The following PRPSAP2 variants were observed in gnomAD, a reference collection of about 807,000 sequenced individuals.
PRPSAP2 encodes the protein phosphoribosyl pyrophosphate synthetase associated protein 2.
A neutral mutation model predicts 40.6 loss-of-function variants in PRPSAP2; 24 were observed. That is an observed-to-expected ratio of 0.59 (90% CI 0.43 to 0.83). PRPSAP2 has a LOEUF of 0.83. Among genes scored for constraint, PRPSAP2 ranks in the 40% least tolerant of loss-of-function variants. PRPSAP2 has a pLI of 0.00. For synonymous variants in PRPSAP2, 149 were observed against 164.7 expected (o/e 0.90, Z 0.73); for missense variants, 292 against 465.6 (o/e 0.63, Z 3.43).
chr17:18,886,388 C>G (rs1489256434), intron 7 of PRPSAP2, among the ~76,000 whole-genome samples: 1 of 151,292 alleles, frequency 6.6e-6, no homozygotes, highest in Non-Finnish European at 1.5e-5. Context: ...CGGAGTCTCA[C>G]TCTGTCGCCC....
rs190314378 is a variant in PRPSAP2 at position 18,892,790 on chromosome 17, A to C, written c.584+2913A>C. Among the ~76,000 whole-genome samples, 978 of 149,240 alleles carry C rather than the reference A, an allele frequency of 6.6e-3. 5 individuals carry two copies. Among genetic ancestry groups the C allele is most frequent in the Middle Eastern group, 0.024 (7 of 290 alleles). On this transcript the variant is annotated intron_variant, in intron 8 of 11. Coordinates refer to ENST00000268835, the MANE Select transcript of PRPSAP2 (RefSeq NM_002767.4). ...CGCTCTGTCACCCAGGCTGGAGTGC[A>C]GTGGCGCGATCTCGGCTCACTGCAA...
chr17:18,876,626 A>G (rs2038318410), intron 5 of PRPSAP2, among the ~76,000 whole-genome samples: 1 of 152,260 alleles, frequency 6.6e-6, no homozygotes, highest in Admixed American at 6.5e-5. Flanking sequence ...AGGAAGACAT[A>G]AAGTGAGCAT....
At chr17:18,897,089 G>T (rs944196740) in intron 8 of PRPSAP2, among the ~76,000 whole-genome samples, 1 of 152,002 alleles carries the variant, frequency 6.6e-6, no homozygotes, top group African/African-American at 2.4e-5. Context: ...CCAAGTAGCT[G>T]AGACCACAGG....
chr17:18,917,721 G>A (rs571172438), intron 9 of PRPSAP2, among the ~76,000 whole-genome samples: 34 of 149,412 alleles, frequency 2.3e-4, no homozygotes, highest in African/African-American at 7.8e-4. Flanking sequence ...ACAGGCGCCC[G>A]GCCAAGATGA....
At chr17:18,886,102 T>C (rs545374952) in intron 7 of PRPSAP2, among the ~76,000 whole-genome samples, 11 of 152,146 alleles carry the variant, frequency 7.2e-5, no homozygotes, top group Non-Finnish European at 1.3e-4. Flanking sequence ...GGGATAGATA[T>C]TCATGTTTCA....
chr17:18,877,914 TTTTA>T (rs780855220), intron 6 of PRPSAP2, 44 bp downstream of exon 6: 2 of 1,518,368 alleles, frequency 1.3e-6, no homozygotes, highest in Non-Finnish European at 1.8e-6. Flanking sequence ...GGCCTGGGAG[TTTTA>T]TTTATTTATT....
At chr17:18,919,425 T>C (rs1174548529) in intron 9 of PRPSAP2, among the ~76,000 whole-genome samples, 1 of 152,000 alleles carries the variant, frequency 6.6e-6, no homozygotes, top group Non-Finnish European at 1.5e-5. Flanking sequence ...GGAGAATCAC[T>C]TGAACCCAGG....
upstream of PRPSAP2, among the ~76,000 whole-genome samples, chr17:18,857,220 A>G (rs1451017675): frequency 6.6e-6 from 1 of 151,818 alleles, no homozygotes; most frequent in Non-Finnish European, 1.5e-5. Flanking sequence ...CTGTAATCCC[A>G]GCTACTCGGG....
At chr17:18,919,365 A>G (rs932319438) in intron 9 of PRPSAP2, among the ~76,000 whole-genome samples, 1 of 152,118 alleles carries the variant, frequency 6.6e-6, no homozygotes, top group African/African-American at 2.4e-5. Context: ...AAAATTAGCC[A>G]GGTGTGGTGG....
chr17:18,892,752 T>TTTTTTTTTTA (rs2039651550), intron 8 of PRPSAP2, among the ~76,000 whole-genome samples: 1 of 150,254 alleles, frequency 6.7e-6, no homozygotes. Context: ...TTTATTTTTT[T>TTTTTTTTTTA]GAGACAGAGT....
At chr17:18,916,484 C>T (rs758514235) in intron 9 of PRPSAP2, among the ~76,000 whole-genome samples, 11 of 151,660 alleles carry the variant, frequency 7.3e-5, no homozygotes, top group Non-Finnish European at 1.0e-4. Context: ...CGGGTTCAAG[C>T]GATTCTCCTG....
chr17:18,926,506 A>T (rs1004174016), intron 10 of PRPSAP2, among the ~76,000 whole-genome samples: 1 of 152,036 alleles, frequency 6.6e-6, no homozygotes, highest in Admixed American at 6.6e-5. Context: ...TGACCTCGTG[A>T]TCTGCCCGCC....
intron 1 of PRPSAP2, among the ~76,000 whole-genome samples, chr17:18,865,187 C>A (rs1392254237): frequency 6.6e-6 from 1 of 151,952 alleles, no homozygotes; most frequent in African/African-American, 2.4e-5. Flanking sequence ...TATTTTTGGC[C>A]CACTGCCAAA....
intron 6 of PRPSAP2, among the ~76,000 whole-genome samples, chr17:18,880,339 C>T (rs2038638225): frequency 6.6e-6 from 1 of 152,138 alleles, no homozygotes; most frequent in Admixed American, 6.6e-5. Flanking sequence ...TTCTGGTGAT[C>T]GTTACAAAGG....
chr17:18,869,664 C>T (rs1455648695), intron 4 of PRPSAP2, among the ~76,000 whole-genome samples: 2 of 150,998 alleles, frequency 1.3e-5, no homozygotes, highest in African/African-American at 4.9e-5. Flanking sequence ...TACACACACA[C>T]ACCCAGCCAT....
intron 6 of PRPSAP2, among the ~76,000 whole-genome samples, chr17:18,881,735 T>C (rs919743087): frequency 4.0e-5 from 6 of 151,854 alleles, no homozygotes; most frequent in Admixed American, 6.6e-5. Flanking sequence ...GGTTTTGCCA[T>C]GTTCCCCAGG....
intron 7 of PRPSAP2, among the ~76,000 whole-genome samples, chr17:18,884,588 C>T (rs2038997410): frequency 6.6e-6 from 1 of 152,166 alleles, no homozygotes. Context: ...GATCCTCCTG[C>T]CTCAGCCTCC....
upstream of PRPSAP2, chr17:18,856,422 C>G (rs1216808568): frequency 1.3e-5 from 2 of 151,510 alleles, no homozygotes; most frequent in South Asian, 2.1e-4. Context: ...GAAGAGGAAT[C>G]AATTTTGGTA....
intron 9 of PRPSAP2, among the ~76,000 whole-genome samples, chr17:18,921,651 G>A (rs1226225386): frequency 6.6e-6 from 1 of 152,084 alleles, no homozygotes; most frequent in East Asian, 1.9e-4. Flanking sequence ...TCAAGGGGGT[G>A]GCTACTGGCA....
Sources: gnomAD v4.1 joint callset for allele counts (sites outside exome capture counted in the v4.1 genomes callset) on GRCh38, gnomAD v4.1.1 for gene constraint, MANE v1.5 for transcripts, NCBI Gene and HGNC (gene_info 2026-07-23, HGNC 2026-07-21) for gene names.